The following SHOC2 variants were observed in gnomAD, a reference collection of about 807,000 sequenced individuals.
SHOC2 encodes leucine-rich repeat protein SHOC-2.
In SHOC2, 4 loss-of-function variants were observed where a neutral mutation model predicts 50.2. That is an observed-to-expected ratio of 0.08 (90% CI 0.04 to 0.18). SHOC2 has a LOEUF of 0.18. Among genes scored for constraint, SHOC2 ranks in the 10% least tolerant of loss-of-function variants. The probability of loss-of-function intolerance (pLI) is 1.00; values close to 1 mark genes in which losing one functional copy is unlikely to be tolerated. For missense variants in SHOC2, 388 were observed against 669.6 expected, an observed-to-expected ratio of 0.58 and a Z score of 4.64; for synonymous variants, 218 against 244.5, an observed-to-expected ratio of 0.89 and a Z score of 1.01.
intron 1 of SHOC2, among the ~76,000 whole-genome samples, chr10:110,930,284 C>T (rs1348619527): frequency 2.6e-5 from 4 of 152,058 alleles, no homozygotes; most frequent in Non-Finnish European, 5.9e-5. Flanking sequence ...CTGACTGATA[C>T]TCAAATATAA....
In SHOC2 at chr10:110,930,621, A is replaced by C. The variant is rs118117760; in HGVS notation, c.-235+10964A>C. On this transcript the variant is annotated intron_variant, in intron 1 of 8. Coordinates refer to ENST00000369452, the MANE Select transcript of SHOC2 (RefSeq NM_007373.4). ...AAATAGCCTTTTTTTTAAAATTGCCAGTTTGCATGGGAAATGAAAAGTAAA... is the reference window on the plus strand; with the variant it reads ...AAATAGCCTTTTTTTTAAAATTGCCCGTTTGCATGGGAAATGAAAAGTAAA... Among the ~76,000 whole-genome samples the C allele has an allele frequency of 3.0e-3, 461 of 151,966 alleles. 10 individuals carry two copies. The highest frequency in any genetic ancestry group is 0.028 in the East Asian group (144 of 5,174).
chr10:110,975,707 C>T (rs975868794), intron 2 of SHOC2, among the ~76,000 whole-genome samples: 1 of 152,116 alleles, frequency 6.6e-6, no homozygotes, highest in East Asian at 1.9e-4. Flanking sequence ...ATTGATAAGT[C>T]TCATTACTGG....
intron 7 of SHOC2, 55 bp downstream of exon 7, chr10:111,009,440 T>G: frequency 7.2e-7 from 1 of 1,395,288 alleles, no homozygotes; most frequent in South Asian, 1.2e-5. Context: ...CTGTTCCAAA[T>G]TCCACATTTC....
intron 1 of SHOC2, among the ~76,000 whole-genome samples, chr10:110,961,886 A>G (rs1847578732): frequency 6.6e-6 from 1 of 152,050 alleles, no homozygotes; most frequent in Non-Finnish European, 1.5e-5. Flanking sequence ...TATTAAATAT[A>G]CTGGTGTTCA....
chr10:110,993,902 G>C (rs920680586), intron 3 of SHOC2, among the ~76,000 whole-genome samples: 1 of 152,136 alleles, frequency 6.6e-6, no homozygotes, highest in Non-Finnish European at 1.5e-5. Context: ...TATCTACCAT[G>C]ATACTGTAAA....
At chr10:110,929,370 T>A (rs1846841901) in intron 1 of SHOC2, among the ~76,000 whole-genome samples, 1 of 152,224 alleles carries the variant, frequency 6.6e-6, no homozygotes, top group African/African-American at 2.4e-5. Flanking sequence ...TGCAAATTAC[T>A]ACGTGATTTA....
chr10:110,921,693 C>T (rs1019674386), intron 1 of SHOC2, among the ~76,000 whole-genome samples: 5 of 152,090 alleles, frequency 3.3e-5, no homozygotes, highest in Non-Finnish European at 5.9e-5. Context: ...TCCAATTATA[C>T]TCTTAGTTAT....
chr10:110,949,876 A>C (rs1847317710), intron 1 of SHOC2, among the ~76,000 whole-genome samples: 2 of 152,198 alleles, frequency 1.3e-5, no homozygotes, highest in African/African-American at 4.8e-5. Flanking sequence ...TGACAAGATT[A>C]TCACTTTGTG....
chr10:110,923,072 G>A (rs1168504125), intron 1 of SHOC2, among the ~76,000 whole-genome samples: 1 of 152,002 alleles, frequency 6.6e-6, no homozygotes, highest in Non-Finnish European at 1.5e-5. Flanking sequence ...TGCTATCCTT[G>A]TAATCCCCTA....
intron 2 of SHOC2, among the ~76,000 whole-genome samples, chr10:110,983,090 T>C (rs945452269): frequency 3.9e-5 from 6 of 152,290 alleles, no homozygotes; most frequent in African/African-American, 1.2e-4. Flanking sequence ...TTATATCTTA[T>C]AAGTTTTTGA....
At chr10:110,961,833 C>T (rs1490513016) in intron 1 of SHOC2, among the ~76,000 whole-genome samples, 2 of 151,994 alleles carry the variant, frequency 1.3e-5, no homozygotes, top group African/African-American at 4.8e-5. Context: ...CCACCCATTA[C>T]CTTCAACCTT....
chr10:110,920,418 C>G (rs1168491987), intron 1 of SHOC2, among the ~76,000 whole-genome samples: 4 of 152,178 alleles, frequency 2.6e-5, no homozygotes, highest in Admixed American at 2.6e-4. Flanking sequence ...GACGATTTTT[C>G]CCCCAGCACC....
At chr10:110,965,273 A>C (rs1847651288) in intron 2 of SHOC2, among the ~76,000 whole-genome samples, 1 of 152,198 alleles carries the variant, frequency 6.6e-6, no homozygotes. Context: ...GTTAGAAAAT[A>C]GATGTAATTA....
At chr10:111,002,084 A>G (rs760221148) in intron 4 of SHOC2, among the ~76,000 whole-genome samples, 8 of 152,136 alleles carry the variant, frequency 5.3e-5, no homozygotes, top group Non-Finnish European at 1.0e-4. Flanking sequence ...AAATGGATAT[A>G]TATCCAGTCT....
chr10:110,943,605 C>T (rs931043712), intron 1 of SHOC2, among the ~76,000 whole-genome samples: 3 of 152,122 alleles, frequency 2.0e-5, no homozygotes, highest in Non-Finnish European at 4.4e-5. Context: ...GCTATCATGA[C>T]CTTCTGTGAG....
chr10:111,005,472 A>G (rs1848450271), intron 5 of SHOC2, among the ~76,000 whole-genome samples: 1 of 152,190 alleles, frequency 6.6e-6, no homozygotes, highest in Non-Finnish European at 1.5e-5. Flanking sequence ...TAGTTGAAAT[A>G]TTCTCATTTT....
chr10:111,007,094 A>C (rs1286402473), intron 5 of SHOC2, among the ~76,000 whole-genome samples: 1 of 152,164 alleles, frequency 6.6e-6, no homozygotes. Context: ...TCAGCACCTT[A>C]AGAATTCCTG....
intron 1 of SHOC2, among the ~76,000 whole-genome samples, chr10:110,955,921 A>T (rs565618046): frequency 2.8e-4 from 43 of 152,306 alleles, no homozygotes; most frequent in African/African-American, 1.0e-3. Context: ...TAAGCAAATA[A>T]AATAATTTTA....
At chr10:110,933,953 T>G (rs1460859313) in intron 1 of SHOC2, among the ~76,000 whole-genome samples, 2 of 152,206 alleles carry the variant, frequency 1.3e-5, no homozygotes, top group African/African-American at 2.4e-5. Context: ...CAGTGTGTGT[T>G]AAGCACGATG....
Sources: allele counts gnomAD v4.1 joint callset (sites outside exome capture counted in the v4.1 genomes callset), GRCh38; gene constraint gnomAD v4.1.1; transcripts MANE v1.5; gene names NCBI Gene and HGNC (gene_info 2026-07-23, HGNC 2026-07-21).